The following TRAPPC6A variants were observed in gnomAD, a reference collection of about 807,000 sequenced individuals.
TRAPPC6A encodes trafficking protein particle complex subunit 6A.
Under a neutral mutation model 20.8 loss-of-function variants are expected in TRAPPC6A, and 25 were observed. The ratio of observed to expected loss-of-function variants is 1.20; its 90% CI spans 0.88 to 1.68. The LOEUF (loss-of-function observed/expected upper bound fraction) is 1.68, where lower values mean the gene tolerates loss of function less well. TRAPPC6A is among the 40% of genes most tolerant of loss of function. The pLI, the probability that TRAPPC6A is intolerant of heterozygous loss-of-function variation, is 0.00. For synonymous variants in TRAPPC6A, 96 were observed against 93.3 expected, an observed-to-expected ratio of 1.03 and a Z score of -0.16; for missense variants, 215 against 211.6, an observed-to-expected ratio of 1.02 and a Z score of -0.10.
At chr19:45,164,576 C>G in intron 3 of TRAPPC6A, 1 of 581,168 alleles carries the variant, frequency 1.7e-6, no homozygotes, top group Non-Finnish European at 3.1e-6. Context: ...GGACAAGCAG[C>G]ATCACACTGG....
chr19:45,169,652 A>G (rs922722959), intron 1 of TRAPPC6A, among the ~76,000 whole-genome samples: 3 of 152,256 alleles, frequency 2.0e-5, no homozygotes, highest in African/African-American at 7.2e-5. Flanking sequence ...GGAGAACCCC[A>G]GGAAGGAAGG....
At position 45,164,990 on chromosome 19, in the gene TRAPPC6A, C is replaced by T; in HGVS notation, c.153-20G>A. ...GGCAGCCTGGTGGGGCAGTACCAAG[C>T]TGAGGCCGTGGGGCCAGGCCAGGAA... On this transcript the variant is annotated intron_variant, in intron 2 of 5. Transcript: ENST00000585934. The T allele has an allele frequency of 1.2e-6, 2 of 1,613,396 alleles. No homozygotes were observed. Among genetic ancestry groups the T allele is most frequent in the African/African-American group, 2.7e-5 (2 of 75,052 alleles).
chr19:45,167,195 C>T (rs560278833), intron 1 of TRAPPC6A, among the ~76,000 whole-genome samples: 2 of 152,172 alleles, frequency 1.3e-5, no homozygotes, highest in African/African-American at 2.4e-5. Flanking sequence ...AACAGACTGG[C>T]TGATGAGACA....
At chr19:45,171,148 A>G (rs917768195) in intron 1 of TRAPPC6A, among the ~76,000 whole-genome samples, 1 of 152,206 alleles carries the variant, frequency 6.6e-6, no homozygotes, top group Non-Finnish European at 1.5e-5. Flanking sequence ...CTGAAAATAC[A>G]AAAATTAGCC....
intron 1 of TRAPPC6A, among the ~76,000 whole-genome samples, chr19:45,167,099 A>G (rs959142283): frequency 6.6e-6 from 1 of 152,122 alleles, no homozygotes; most frequent in Admixed American, 6.6e-5. Flanking sequence ...ATGAGGACAC[A>G]GCTCTGTGAA....
chr19:45,178,227 C>T lies in TRAPPC6A; in HGVS notation c.-9G>A. 6.3e-7 allele frequency: 1 copy of T among 1,586,708 alleles called. No individual in the cohort carries two copies. Among genetic ancestry groups the T allele is most frequent in the Non-Finnish European group, 8.6e-7 (1 of 1,162,254 alleles). On this transcript the variant is annotated 5_prime_UTR_variant, in exon 1 of 6. Transcript: ENST00000585934. ...AACACAGTATCCGCCATGCCCCCTC[C>T]TCGCACGCCTAAAGATGCGCCCAGC...
At chr19:45,174,133 C>T (rs1969316910) in intron 1 of TRAPPC6A, among the ~76,000 whole-genome samples, 1 of 152,160 alleles carries the variant, frequency 6.6e-6, no homozygotes, top group Non-Finnish European at 1.5e-5. Flanking sequence ...TGGTCGCGCT[C>T]CTGACTCTGC....
intron 1 of TRAPPC6A, among the ~76,000 whole-genome samples, chr19:45,177,008 AAAT>A (rs915044676): frequency 7.2e-4 from 109 of 152,004 alleles, no homozygotes; most frequent in African/African-American, 2.3e-3. Flanking sequence ...CTACTAAAAA[AAAT>A]AATAATAATA....
intron 1 of TRAPPC6A, among the ~76,000 whole-genome samples, chr19:45,176,462 T>C (rs1969378263): frequency 6.6e-6 from 1 of 151,860 alleles, no homozygotes; most frequent in Non-Finnish European, 1.5e-5. Context: ...AGACTCTGTC[T>C]CAAAAATAAA....
rs1294634939 is a variant in TRAPPC6A at position 45,163,836 on chromosome 19, C to A, written c.448+80G>T. 2 of 1,297,918 alleles carry A rather than the reference C, an allele frequency of 1.5e-6. No individual in the cohort carries two copies. Among genetic ancestry groups the A allele is most frequent in the Non-Finnish European group, 2.2e-6 (2 of 926,908 alleles). The allele number at this position is 1,297,918 out of a possible 1,614,324, so 80.4% of individuals were successfully genotyped here. On this transcript the variant is annotated intron_variant, in intron 5 of 5. Coordinates refer to ENST00000585934, the MANE Select transcript of TRAPPC6A (RefSeq NM_001270891.2). The surrounding 1 kb of genome is among the most constrained non-coding windows in gnomAD (Gnocchi z 5.3). The stretch of plus-strand genomic sequence containing the variant: ...AAACTGGGCCTGCCTCCCAGGCACA[C>A]ACACAGGAGTGGGGCTGGAACTCTG...
At chr19:45,164,797 C>A (rs1357623823) in intron 3 of TRAPPC6A, 56 bp downstream of exon 3, 1 of 1,530,726 alleles carries the variant, frequency 6.5e-7, no homozygotes, top group African/African-American at 1.4e-5. Flanking sequence ...TCCCCTCCCA[C>A]TCTCTTGGTC....
chr19:45,164,751 CG>C (rs1568462432), intron 3 of TRAPPC6A, 101 bp downstream of exon 3: 5 of 1,066,322 alleles, frequency 4.7e-6, no homozygotes, highest in Non-Finnish European at 7.2e-6. Flanking sequence ...AAGCTCTGGG[CG>C]GGTCCCGGCA....
intron 2 of TRAPPC6A, 62 bp downstream of exon 2, chr19:45,165,065 C>T (rs985236376): frequency 3.4e-5 from 54 of 1,610,810 alleles, no homozygotes; most frequent in African/African-American, 1.9e-4. Context: ...CAACCCTCCC[C>T]GCCCGGGGCC....
intron 1 of TRAPPC6A, 83 bp from the exon 2 acceptor site, chr19:45,165,277 C>T (rs1453181372): frequency 7.5e-7 from 1 of 1,336,546 alleles, no homozygotes; most frequent in East Asian, 2.5e-5. Context: ...GCCAGGGGAC[C>T]CAAAGACCAA....
rs1339767071 is a variant in TRAPPC6A, at chr19:45,164,216, G to C, written c.302C>G (p.Pro101Arg). 4 of 1,609,860 alleles carry C rather than the reference G, an allele frequency of 2.5e-6. No individual in the cohort carries two copies. The highest frequency in any genetic ancestry group is 3.4e-6 in the Non-Finnish European group (4 of 1,177,854). Residue 101 changes from proline to arginine, a missense_variant, in exon 4 of 6, where the codon CCC becomes CGC. Physicochemically the swap from Pro to Arg is moderately radical, Grantham distance 103. Coordinates refer to ENST00000585934, the MANE Select transcript of TRAPPC6A (RefSeq NM_001270891.2). ...GCCAGAGGCCATCGGGAGGAGGAGG[G>C]GGAAGCTGTTGTCTTGCAGGACGTA... ...GTYVLQDNSFPLLLPMASGLQ... is the reference protein window; with the variant it reads ...GTYVLQDNSFRLLLPMASGLQ...
chr19:45,164,824 G>C (rs1376196557), intron 3 of TRAPPC6A, 29 bp downstream of exon 3: 16 of 1,598,302 alleles, frequency 1.0e-5, no homozygotes, highest in African/African-American at 1.3e-5. Flanking sequence ...TCAGGAGGAA[G>C]CTGGACGGGC....
chr19:45,177,633 T>C (rs1969418679), intron 1 of TRAPPC6A, among the ~76,000 whole-genome samples: 1 of 152,142 alleles, frequency 6.6e-6, no homozygotes, highest in African/African-American at 2.4e-5. Context: ...TTTCATTTTA[T>C]TATTTGACTC....
At chr19:45,168,474 C>T (rs1398480795) in intron 1 of TRAPPC6A, among the ~76,000 whole-genome samples, 2 of 152,208 alleles carry the variant, frequency 1.3e-5, no homozygotes, top group Non-Finnish European at 2.9e-5. Flanking sequence ...CCCACACTCA[C>T]TCACACTGGG....
At chr19:45,171,480 T>C (rs1969267668) in intron 1 of TRAPPC6A, among the ~76,000 whole-genome samples, 1 of 152,136 alleles carries the variant, frequency 6.6e-6, no homozygotes, top group South Asian at 2.1e-4. Context: ...GGAAGGGAAG[T>C]CTTATCAGTG....
Sources: allele counts gnomAD v4.1 joint callset (sites outside exome capture counted in the v4.1 genomes callset), GRCh38; gene constraint gnomAD v4.1.1; non-coding constraint Gnocchi (gnomAD v3.1); transcripts MANE v1.5; gene names NCBI Gene and HGNC (gene_info 2026-07-23, HGNC 2026-07-21).